The following ANGPT1 variants were observed in gnomAD, a reference collection of about 807,000 sequenced individuals.
ANGPT1 encodes angiopoietin-1.
A neutral mutation model predicts 62.2 loss-of-function variants in ANGPT1; 17 were observed. The ratio of observed to expected loss-of-function variants is 0.27; its 90% CI spans 0.19 to 0.41. ANGPT1 has a LOEUF of 0.41. Among genes scored for constraint, ANGPT1 ranks in the 10% least tolerant of loss-of-function variants. The pLI, the probability that ANGPT1 is intolerant of heterozygous loss-of-function variation, is 1.00. For synonymous variants in ANGPT1, 199 were observed against 198.9 expected, an observed-to-expected ratio of 1.00 and a Z score of 0.00; for missense variants, 478 against 594.9, an observed-to-expected ratio of 0.80 and a Z score of 2.04.
chr8:107,326,511 A>G (rs1393337299), intron 3 of ANGPT1, among the ~76,000 whole-genome samples: 19 of 151,028 alleles, frequency 1.3e-4, no homozygotes. Flanking sequence ...CCCTTTTTTC[A>G]TCTTCTCTTC....
At chr8:107,337,402 A>T (rs561837355) in intron 2 of ANGPT1, among the ~76,000 whole-genome samples, 1 of 152,282 alleles carries the variant, frequency 6.6e-6, no homozygotes, top group African/African-American at 2.4e-5. Flanking sequence ...CCATGTGTCC[A>T]GCTGGGCCTT....
intron 4 of ANGPT1, among the ~76,000 whole-genome samples, chr8:107,313,438 T>TG: frequency 8.1e-6 from 1 of 123,524 alleles, no homozygotes; most frequent in African/African-American, 3.1e-5. Flanking sequence ...TGTTTTTTTT[T>TG]TTTTTTTTTT....
At chr8:107,263,732 ATAT>A (rs1338383358) in intron 8 of ANGPT1, among the ~76,000 whole-genome samples, 2 of 152,218 alleles carry the variant, frequency 1.3e-5, no homozygotes, top group Non-Finnish European at 2.9e-5. Flanking sequence ...GCAATGATTA[ATAT>A]TATGTAATGC....
intron 1 of ANGPT1, among the ~76,000 whole-genome samples, chr8:107,367,983 C>A (rs1027239152): frequency 1.3e-5 from 2 of 152,172 alleles, no homozygotes; most frequent in African/African-American, 4.8e-5. Flanking sequence ...ATATTTTGAC[C>A]TTCTCCCATG....
intron 1 of ANGPT1, among the ~76,000 whole-genome samples, chr8:107,473,159 C>A (rs773445159): frequency 6.6e-6 from 1 of 151,996 alleles, no homozygotes; most frequent in Non-Finnish European, 1.5e-5. Context: ...GCTTAAATAT[C>A]CACATGGTTG....
chr8:107,430,354 C>A (rs1227785862), intron 1 of ANGPT1, among the ~76,000 whole-genome samples: 1 of 152,190 alleles, frequency 6.6e-6, no homozygotes, highest in Non-Finnish European at 1.5e-5. Flanking sequence ...ACTCACAATG[C>A]AGCCTGCAGC....
At chr8:107,300,976 T>C (rs1321026530) in intron 5 of ANGPT1, among the ~76,000 whole-genome samples, 2 of 151,892 alleles carry the variant, frequency 1.3e-5, no homozygotes, top group Non-Finnish European at 2.9e-5. Context: ...TGGGATCTTT[T>C]TCTTCACATT....
In ANGPT1 at chr8:107,366,739, T is replaced by C. The variant is rs578013153; in HGVS notation, c.298-19642A>G. ...AGCGATCCCTACCTCATGGTAGTTATACCCTGGCATAGTCCCCTCCTGCAT... is the reference window on the plus strand; with the variant it reads ...AGCGATCCCTACCTCATGGTAGTTACACCCTGGCATAGTCCCCTCCTGCAT... On this transcript the variant is annotated intron_variant, in intron 1 of 8. Transcript: ENST00000517746. Among the ~76,000 whole-genome samples the C allele has an allele frequency of 2.6e-5, 4 of 152,346 alleles. No individual in the cohort carries two copies. The South Asian group carries it at 8.3e-4, about 32-fold the overall frequency.
intron 1 of ANGPT1, among the ~76,000 whole-genome samples, chr8:107,446,685 G>A (rs1314161149): frequency 6.6e-6 from 1 of 152,180 alleles, no homozygotes; most frequent in South Asian, 2.1e-4. Flanking sequence ...AAACGTAAAT[G>A]TTGGCAGGAT....
At chr8:107,326,944 C>T (rs1815304145) in intron 3 of ANGPT1, among the ~76,000 whole-genome samples, 2 of 152,090 alleles carry the variant, frequency 1.3e-5, no homozygotes. Context: ...AGTCTCATCT[C>T]TTTGACTTAA....
chr8:107,393,063 C>A (rs1471380965), intron 1 of ANGPT1, among the ~76,000 whole-genome samples: 1 of 152,078 alleles, frequency 6.6e-6, no homozygotes, highest in Non-Finnish European at 1.5e-5. Context: ...GTTATGCATT[C>A]TGTAGAGTAA....
At chr8:107,432,187 C>A (rs1271601342) in intron 1 of ANGPT1, among the ~76,000 whole-genome samples, 1 of 150,998 alleles carries the variant, frequency 6.6e-6, no homozygotes, top group African/African-American at 2.4e-5. Flanking sequence ...AAAGAGAATA[C>A]TTCACTTTCC....
intron 6 of ANGPT1, among the ~76,000 whole-genome samples, chr8:107,292,942 C>T (rs531377680): frequency 6.6e-6 from 1 of 152,264 alleles, no homozygotes; most frequent in Admixed American, 6.5e-5. Context: ...CTAGAGGTTT[C>T]AGCTGCAAAA....
chr8:107,356,619 C>A (rs760771220), intron 1 of ANGPT1, among the ~76,000 whole-genome samples: 17 of 152,072 alleles, frequency 1.1e-4, no homozygotes, highest in Admixed American at 4.6e-4. Context: ...GAGCTTATAT[C>A]TGAAAAAATA....
intron 6 of ANGPT1, among the ~76,000 whole-genome samples, chr8:107,286,066 G>A (rs953509544): frequency 6.6e-6 from 1 of 152,130 alleles, no homozygotes; most frequent in Non-Finnish European, 1.5e-5. Context: ...ACATGGAAAA[G>A]TAACCTTAAA....
At position 107,370,384 on chromosome 8, in the gene ANGPT1, G is replaced by GAAAA. The variant is rs796912564; in HGVS notation, c.298-23288_298-23287insTTTT. ...AGAAAGAAAGAAAGAAAGAAAGAAA[G>GAAAA]AAAGAAAGAAAGAAAGAAAGAAAGA... On this transcript the variant is annotated intron_variant, in intron 1 of 8. Transcript: ENST00000517746. 2.7e-3 allele frequency among the ~76,000 whole-genome samples: 148 copies of GAAAA among 55,644 alleles called. 22 individuals carry two copies. The highest frequency in any genetic ancestry group is 4.4e-3 in the Admixed American group (16 of 3,666). 36.5% of individuals were successfully genotyped at this position (55,644 alleles called of 152,430 possible).
chr8:107,381,087 T>C (rs1486497311), intron 1 of ANGPT1, among the ~76,000 whole-genome samples: 1 of 152,218 alleles, frequency 6.6e-6, no homozygotes, highest in Non-Finnish European at 1.5e-5. Flanking sequence ...CTCCATCTCC[T>C]AGTGGGCAGC....
chr8:107,377,490 G>A (rs914457530), intron 1 of ANGPT1, among the ~76,000 whole-genome samples: 3 of 152,036 alleles, frequency 2.0e-5, no homozygotes, highest in African/African-American at 4.8e-5. Context: ...CCTTACCTAG[G>A]GACTTTCTAA....
intron 1 of ANGPT1, among the ~76,000 whole-genome samples, chr8:107,481,532 C>CAAAA (rs71562147): frequency 8.6e-4 from 55 of 64,262 alleles, no homozygotes; most frequent in African/African-American, 2.6e-3. Flanking sequence ...GACTCTGTCT[C>CAAAA]AAAAAAAAAA....
Sources: allele counts gnomAD v4.1 joint callset (sites outside exome capture counted in the v4.1 genomes callset), GRCh38; gene constraint gnomAD v4.1.1; transcripts MANE v1.5; gene names NCBI Gene and HGNC (gene_info 2026-07-23, HGNC 2026-07-21).